NTNG1: variants seen among roughly 807,000 people sequenced by gnomAD.
NTNG1 encodes netrin-G1.
A neutral mutation model predicts 54.0 loss-of-function variants in NTNG1; 16 were observed. The observed-to-expected ratio is 0.30, with a 90% CI of 0.20 to 0.45. NTNG1 has a LOEUF of 0.45. NTNG1 is among the 20% of genes least tolerant of loss of function. The pLI, the probability that NTNG1 is intolerant of heterozygous loss-of-function variation, is 1.00. For synonymous variants in NTNG1, 255 were observed against 263.1 expected (o/e 0.97, Z 0.30); for missense variants, 530 against 678.7 (o/e 0.78, Z 2.43).
At chr1:107,334,925 A>C (rs2101907485) in intron 3 of NTNG1, among the ~76,000 whole-genome samples, 1 of 152,146 alleles carries the variant, frequency 6.6e-6, no homozygotes, top group South Asian at 2.1e-4. Flanking sequence ...TTCCCCACAC[A>C]AGACTGCAAG....
chr1:107,469,554 C>G (rs1402591931), intron 7 of NTNG1, among the ~76,000 whole-genome samples: 1 of 152,140 alleles, frequency 6.6e-6, no homozygotes, highest in African/African-American at 2.4e-5. Context: ...ACAATGTCAA[C>G]TCAATGCAAC....
intron 3 of NTNG1, among the ~76,000 whole-genome samples, chr1:107,390,395 C>G (rs1320930468): frequency 3.3e-5 from 5 of 152,254 alleles, no homozygotes; most frequent in African/African-American, 1.2e-4. Flanking sequence ...TTTTTCTCTC[C>G]CCTGAGCTGT....
intron 2 of NTNG1, among the ~76,000 whole-genome samples, chr1:107,233,485 A>G (rs1006415159): frequency 6.6e-6 from 1 of 152,210 alleles, no homozygotes; most frequent in African/African-American, 2.4e-5. Flanking sequence ...GCCCATCCTT[A>G]AATGAGCTTT....
chr1:107,366,726 C>A (rs560244556), intron 3 of NTNG1, among the ~76,000 whole-genome samples: 1 of 152,314 alleles, frequency 6.6e-6, no homozygotes, highest in Non-Finnish European at 1.5e-5. Context: ...AGAATTAACT[C>A]ATCTATTAGG....
In NTNG1 at chr1:107,190,109, G is replaced by C. The variant is rs145552427; in HGVS notation, c.246+41270G>C. Among the ~76,000 whole-genome samples, 346 of 152,244 alleles carry C rather than the reference G, an allele frequency of 2.3e-3. 2 individuals carry two copies. Among genetic ancestry groups the C allele is most frequent in the African/African-American group, 8.0e-3 (333 of 41,562 alleles). ...CCACTTATGTGAGCTCTCCAGAGTAGTAAAATCCTAGAGACAGAAAGTAGA... is the reference window on the plus strand; with the variant it reads ...CCACTTATGTGAGCTCTCCAGAGTACTAAAATCCTAGAGACAGAAAGTAGA... On this transcript the variant is annotated intron_variant, in intron 2 of 7. Coordinates refer to ENST00000370068, the MANE Select transcript of NTNG1 (RefSeq NM_001113226.3).
At chr1:107,339,266 A>G (rs1668768267) in intron 3 of NTNG1, among the ~76,000 whole-genome samples, 1 of 152,048 alleles carries the variant, frequency 6.6e-6, no homozygotes, top group African/African-American at 2.4e-5. Context: ...AACAGGTTAC[A>G]ATCTATCAGA....
intron 3 of NTNG1, among the ~76,000 whole-genome samples, chr1:107,386,434 A>C (rs1356889039): frequency 6.6e-6 from 1 of 152,032 alleles, no homozygotes; most frequent in Non-Finnish European, 1.5e-5. Context: ...TCGGCCTCCC[A>C]AAGTGCTGGG....
intron 2 of NTNG1, among the ~76,000 whole-genome samples, chr1:107,317,249 C>T (rs1667387828): frequency 6.6e-6 from 1 of 152,184 alleles, no homozygotes; most frequent in Admixed American, 6.6e-5. Flanking sequence ...GTTGCATTAA[C>T]TTAAATGCTA....
intron 1 of NTNG1, among the ~76,000 whole-genome samples, chr1:107,146,510 T>C (rs1654131412): frequency 6.6e-6 from 1 of 152,072 alleles, no homozygotes; most frequent in African/African-American, 2.4e-5. Flanking sequence ...CAACACATGC[T>C]TCTCTGATTT....
chr1:107,260,120 A>G (rs1429501695), intron 2 of NTNG1, among the ~76,000 whole-genome samples: 1 of 152,238 alleles, frequency 6.6e-6, no homozygotes, highest in African/African-American at 2.4e-5. Flanking sequence ...TCATGATAGT[A>G]AACAGTGATT....
intron 3 of NTNG1, among the ~76,000 whole-genome samples, chr1:107,349,959 C>T (rs757871771): frequency 1.3e-5 from 2 of 152,132 alleles, no homozygotes; most frequent in African/African-American, 2.4e-5. Context: ...GTAAGAAGCA[C>T]ATATTCAGCA....
chr1:107,242,631 A>G (rs1661918865), intron 2 of NTNG1, among the ~76,000 whole-genome samples: 1 of 152,158 alleles, frequency 6.6e-6, no homozygotes, highest in South Asian at 2.1e-4. Context: ...ATTCACTGTC[A>G]TCCTAACCTT....
chr1:107,438,498 A>G (rs1675751220), intron 7 of NTNG1, among the ~76,000 whole-genome samples: 1 of 152,118 alleles, frequency 6.6e-6, no homozygotes, highest in Non-Finnish European at 1.5e-5. Flanking sequence ...GCACAGCTAG[A>G]CCTCAAGGCC....
At chr1:107,400,344 T>C (rs1454652001) in intron 4 of NTNG1, among the ~76,000 whole-genome samples, 1 of 152,176 alleles carries the variant, frequency 6.6e-6, no homozygotes, top group African/African-American at 2.4e-5. Context: ...TAGCCAAAAT[T>C]ATTATAATAA....
chr1:107,382,398 A>G (rs137949219), intron 3 of NTNG1, among the ~76,000 whole-genome samples: 2 of 152,336 alleles, frequency 1.3e-5, no homozygotes, highest in African/African-American at 4.8e-5. Flanking sequence ...TAAAAATGTG[A>G]CATTGATCCA....
At chr1:107,249,676 A>G (rs566649366) in intron 2 of NTNG1, among the ~76,000 whole-genome samples, 1 of 152,292 alleles carries the variant, frequency 6.6e-6, no homozygotes, top group South Asian at 2.1e-4. Context: ...TTAATAATCC[A>G]CACTGTATAT....
intron 2 of NTNG1, among the ~76,000 whole-genome samples, chr1:107,301,028 T>C (rs1666281817): frequency 6.6e-6 from 1 of 152,168 alleles, no homozygotes; most frequent in Admixed American, 6.6e-5. Context: ...ACATCAGTAC[T>C]TTATTTTACT....
intron 3 of NTNG1, among the ~76,000 whole-genome samples, chr1:107,346,448 C>G (rs1669241093): frequency 6.6e-6 from 1 of 152,064 alleles, no homozygotes; most frequent in African/African-American, 2.4e-5. Context: ...TGGACATGAC[C>G]CATGCCCCTT....
chr1:107,418,680 C>G, intron 5 of NTNG1: 1 of 1,439,824 alleles, frequency 6.9e-7, no homozygotes, highest in Non-Finnish European at 9.6e-7. Flanking sequence ...GACATAAAAT[C>G]CCACATGTTT....
Sources: gnomAD v4.1 joint callset for allele counts (sites outside exome capture counted in the v4.1 genomes callset) on GRCh38, gnomAD v4.1.1 for gene constraint, MANE v1.5 for transcripts, NCBI Gene and HGNC (gene_info 2026-07-23, HGNC 2026-07-21) for gene names.